Variants in GLB1 observed in about 807,000 individuals in gnomAD.
GLB1 encodes galactosidase beta 1.
A neutral mutation model predicts 74.0 loss-of-function variants in GLB1; 56 were observed. That is an observed-to-expected ratio of 0.76 (90% CI 0.61 to 0.94). The LOEUF is 0.94. Ranked by LOEUF, GLB1 falls within the 40% of genes least tolerant of loss-of-function variation. The pLI is 0.00. For missense variants in GLB1, 787 were observed against 845.5 expected (o/e 0.93, Z 0.86); for synonymous variants, 323 against 323.6 (o/e 1.00, Z 0.02).
chr3:33,062,534 C>A (rs1699485192), intron 5 of GLB1, among the ~76,000 whole-genome samples: 1 of 152,134 alleles, frequency 6.6e-6, no homozygotes, highest in Admixed American at 6.5e-5. Context: ...TCATGGCTTT[C>A]ATCCCAGCAC....
chr3:33,047,061 TG>T (rs1389942886), intron 9 of GLB1, among the ~76,000 whole-genome samples: 1 of 152,200 alleles, frequency 6.6e-6, no homozygotes, highest in African/African-American at 2.4e-5. Context: ...TGAGGCCACT[TG>T]TGAAGCTGCA....
At chr3:32,978,705 G>T in the GLB1 span, among the ~76,000 whole-genome samples, 1 of 151,952 alleles carries the variant, frequency 6.6e-6, no homozygotes, top group Non-Finnish European at 1.5e-5. Flanking sequence ...AGGGAAGAAA[G>T]AAGTAGAAGA....
At chr3:33,035,315 C>A (rs771711832) in intron 10 of GLB1, among the ~76,000 whole-genome samples, 83 of 151,996 alleles carry the variant, frequency 5.5e-4, no homozygotes, top group Non-Finnish European at 1.0e-3. Context: ...ACCTGTAGTT[C>A]TAACTGCTCA....
At chr3:33,076,945 C>T (rs1012111116) in intron 1 of GLB1, 19 of 705,220 alleles carry the variant, frequency 2.7e-5, no homozygotes, top group African/African-American at 9.4e-5. Context: ...CAGAAGGGCC[C>T]GGACACAATG....
chr3:33,073,663 G>A (rs12491500), intron 1 of GLB1, among the ~76,000 whole-genome samples: 5,383 of 152,066 alleles, frequency 0.035, 129 homozygotes, highest in African/African-American at 0.07. Context: ...ACTCCAGCCT[G>A]GGCGACAGAG....
chr3:33,066,270 C>T (rs1422223541), intron 4 of GLB1, among the ~76,000 whole-genome samples: 1 of 152,122 alleles, frequency 6.6e-6, no homozygotes, highest in African/African-American at 2.4e-5. Flanking sequence ...GGTGTTGAGT[C>T]ATGAGGGCTC....
At chr3:33,054,866 C>A (rs980625251) in intron 6 of GLB1, among the ~76,000 whole-genome samples, 1 of 152,160 alleles carries the variant, frequency 6.6e-6, no homozygotes, top group African/African-American at 2.4e-5. Context: ...TGAGCAGTGT[C>A]CACACCAACC....
intron 1 of GLB1, among the ~76,000 whole-genome samples, chr3:33,078,123 A>G (rs1700189618): frequency 6.6e-6 from 1 of 152,152 alleles, no homozygotes; most frequent in Admixed American, 6.5e-5. Flanking sequence ...AGGCACTGGT[A>G]GTCTTAGCTA....
chr3:33,027,480 G>A (rs11707205), intron 10 of GLB1, among the ~76,000 whole-genome samples: 31,952 of 152,270 alleles, frequency 0.21, 3,739 homozygotes, highest in Admixed American at 0.3. Context: ...GGCGCCACAG[G>A]CCACAGAGGT....
chr3:33,054,888 T>C (rs1183083620), intron 6 of GLB1, among the ~76,000 whole-genome samples: 1 of 152,194 alleles, frequency 6.6e-6, no homozygotes, highest in Non-Finnish European at 1.5e-5. Context: ...GAGCAGAGAA[T>C]GCCCTGGCCC....
At chr3:32,967,803 C>A in the GLB1 span, among the ~76,000 whole-genome samples, 60 of 152,220 alleles carry the variant, frequency 3.9e-4, no homozygotes, top group African/African-American at 1.4e-3. Flanking sequence ...GGGAGTTTCA[C>A]CTGGATGGAA....
At chr3:33,058,903 C>A (rs908215528) in intron 5 of GLB1, among the ~76,000 whole-genome samples, 18 of 151,464 alleles carry the variant, frequency 1.2e-4, no homozygotes, top group African/African-American at 4.1e-4. Flanking sequence ...ACACACACAC[C>A]GGTGTTCAGT....
intron 2 of GLB1, among the ~76,000 whole-genome samples, chr3:33,071,226 C>A (rs901690245): frequency 1.1e-4 from 16 of 152,204 alleles, no homozygotes; most frequent in African/African-American, 3.9e-4. Flanking sequence ...TTCCAGAACT[C>A]ACTGTCGGAA....
chr3:32,967,740 C>T, the GLB1 span, among the ~76,000 whole-genome samples: 3,872 of 152,220 alleles, frequency 0.025, 158 homozygotes, highest in African/African-American at 0.088. Flanking sequence ...CCTTTGTCTG[C>T]GGGACTAGAG....
intron 12 of GLB1, among the ~76,000 whole-genome samples, chr3:33,020,421 A>G (rs1697419181): frequency 6.6e-6 from 1 of 152,208 alleles, no homozygotes; most frequent in South Asian, 2.1e-4. Flanking sequence ...TAAGTGATGA[A>G]GCTTAACATT....
chr3:33,038,771 C>T (rs966094936), intron 10 of GLB1, among the ~76,000 whole-genome samples: 3 of 152,118 alleles, frequency 2.0e-5, no homozygotes, highest in African/African-American at 7.2e-5. Context: ...CAGAAGCGGA[C>T]CAACCCTCAA....
intron 10 of GLB1, among the ~76,000 whole-genome samples, chr3:33,043,321 C>T (rs912801298): frequency 2.6e-5 from 4 of 152,068 alleles, no homozygotes; most frequent in African/African-American, 7.2e-5. Flanking sequence ...GAGGGGCTTC[C>T]GGGGAGCTAT....
intron 15 of GLB1, among the ~76,000 whole-genome samples, chr3:32,999,513 T>A (rs1206866309): frequency 6.6e-6 from 1 of 152,140 alleles, no homozygotes; most frequent in Non-Finnish European, 1.5e-5. Context: ...TTCCATTTCA[T>A]AAGCATCCAA....
the GLB1 span, among the ~76,000 whole-genome samples, chr3:32,979,112 G>A: frequency 6.6e-6 from 1 of 151,990 alleles, no homozygotes; most frequent in Non-Finnish European, 1.5e-5. Context: ...GAGTAGCTGG[G>A]ATTACAGGCA....
Sources: allele counts gnomAD v4.1 joint callset (sites outside exome capture counted in the v4.1 genomes callset), GRCh38; gene constraint gnomAD v4.1.1; transcripts MANE v1.5; gene names NCBI Gene and HGNC (gene_info 2026-07-23, HGNC 2026-07-21).